The following ARHGEF2 variants were observed in gnomAD, a reference collection of about 807,000 sequenced individuals.
ARHGEF2 encodes rho guanine nucleotide exchange factor 2.
Under a neutral mutation model 121.0 loss-of-function variants are expected in ARHGEF2, and 22 were observed. The observed-to-expected ratio is 0.18, with a 90% CI of 0.13 to 0.26. ARHGEF2 has a LOEUF of 0.26. Ranked by LOEUF, ARHGEF2 falls within the 10% of genes least tolerant of loss-of-function variation. The pLI is 1.00. For missense variants in ARHGEF2, 907 were observed against 1,336.0 expected (o/e 0.68, Z 5.01); for synonymous variants, 487 against 530.0 (o/e 0.92, Z 1.11).
At position 155,961,835 on chromosome 1, in the gene ARHGEF2, C is replaced by T; in HGVS notation, c.1294G>A (p.Gly432Ser). The T allele has an allele frequency of 6.2e-7, 1 of 1,614,182 alleles. No individual in the cohort carries two copies. The highest frequency in any genetic ancestry group is 8.5e-7 in the Non-Finnish European group (1 of 1,180,032). ...VKELLSNVDE[G>S]IYQLEKGARL... ...GCCCCTTTCTCCAGCTGATAAATAC[C>T]CTCGTCCACATTGGACAGCAGCTCC... Residue 432 changes from glycine (G) to serine (S), a missense_variant, in exon 11 of 22, where the codon GGT becomes AGT. Physicochemically the swap from Gly to Ser is moderately conservative, Grantham distance 56. Transcript: ENST00000361247. This position sits in a 1 kb window ranked among gnomAD's most constrained non-coding sequence, Gnocchi z 4.7.
chr1:155,978,845 T>TTCCCCTCTGCCCTCCCCTTCTTCCCTTC (rs1681830877), upstream of ARHGEF2: 1 of 987,238 alleles, frequency 1.0e-6, no homozygotes, highest in Non-Finnish European at 1.2e-6. The surrounding 1 kb of genome is among the most constrained non-coding windows in gnomAD (Gnocchi z 4.1). Flanking sequence ...GGTTGGCCCT[T>TTCCCCTCTGCCCTCCCCTTCTTCCCTTC]TCCCCTCTGC....
At chr1:155,955,115 T>C in intron 13 of ARHGEF2, 146 bp from the exon 14 acceptor site, 1 of 626,106 alleles carries the variant, frequency 1.6e-6, no homozygotes, top group Non-Finnish European at 2.7e-6. Flanking sequence ...AATTTAGTCC[T>C]GACCTTCTCC....
In ARHGEF2 at chr1:155,971,579, C is replaced by CAAAAA. The variant is rs55942349; in HGVS notation, c.64-2284_64-2280dup. Among the ~76,000 whole-genome samples the CAAAAA allele has an allele frequency of 1.4e-3, 128 of 92,572 alleles. 1 individual carries two copies. The highest frequency in any genetic ancestry group is 1.7e-3 in the African/African-American group (51 of 30,872). The allele number at this position is 92,572 out of a possible 152,430, so 60.7% of individuals were successfully genotyped here. A position where few individuals can be genotyped will look rare whatever the true frequency, so the allele number is the denominator to read the frequency against. On this transcript the variant is annotated intron_variant, in intron 1 of 21. Transcript: ENST00000361247. ...TGGGCCACAGAGTGAGACTATGTCTCAAAAAAAAAAAAAGAAGTTCAAATT... is the reference window on the plus strand; with the variant it reads ...TGGGCCACAGAGTGAGACTATGTCTCAAAAAAAAAAAAAAAAAAGAAGTTCAAATT...
intron 1 of ARHGEF2, chr1:155,969,619 T>G (rs1680091362): frequency 8.4e-7 from 1 of 1,189,460 alleles, no homozygotes; most frequent in Non-Finnish European, 1.1e-6. Flanking sequence ...TTCCCAGCCC[T>G]AGCTCTGCTC....
chr1:155,960,684 A>G (rs1677722159), intron 11 of ARHGEF2, among the ~76,000 whole-genome samples: 1 of 152,172 alleles, frequency 6.6e-6, no homozygotes. Context: ...GAGGCTGGTG[A>G]AGACTGACAA....
chr1:155,967,717 C>T (rs1679693059), intron 2 of ARHGEF2, among the ~76,000 whole-genome samples: 1 of 152,156 alleles, frequency 6.6e-6, no homozygotes, highest in Admixed American at 6.5e-5. Flanking sequence ...CCCCACCTTG[C>T]CATGGGGTAG....
intron 1 of ARHGEF2, chr1:155,977,931 G>A (rs1681598982): frequency 1.1e-5 from 3 of 278,794 alleles, no homozygotes; most frequent in Non-Finnish European, 1.7e-5. Flanking sequence ...GAACGACCAA[G>A]CCAGCGATTG....
chr1:155,978,575 C>T, upstream of ARHGEF2: 1 of 1,272,466 alleles, frequency 7.9e-7, no homozygotes, highest in African/African-American at 1.5e-5. This position sits in a 1 kb window ranked among gnomAD's most constrained non-coding sequence, Gnocchi z 4.1. Context: ...GCACCAGTTC[C>T]TCAAACCCGA....
At chr1:155,970,662 C>T (rs1680277849) in intron 1 of ARHGEF2, 63 of 985,480 alleles carry the variant, frequency 6.4e-5, no homozygotes, top group Non-Finnish European at 7.5e-5. Context: ...GCCGAGGCCA[C>T]GAGGCCACGC....
At chr1:155,955,750 C>T (rs1284859693) in intron 13 of ARHGEF2, among the ~76,000 whole-genome samples, 1 of 151,970 alleles carries the variant, frequency 6.6e-6, no homozygotes, top group Non-Finnish European at 1.5e-5. Flanking sequence ...GAGTCTTGCA[C>T]TTTCGCCCAG....
chr1:155,958,224 TG>T, intron 12 of ARHGEF2, 95 bp downstream of exon 12: 2 of 948,424 alleles, frequency 2.1e-6, no homozygotes, highest in Non-Finnish European at 1.7e-6. Context: ...TGTTTGACTC[TG>T]GGGGACTCCA....
intron 2 of ARHGEF2, chr1:155,968,388 T>C (rs1388047463): frequency 6.6e-6 from 1 of 152,086 alleles, no homozygotes; most frequent in African/African-American, 2.4e-5. Flanking sequence ...CAGGTCACAA[T>C]ACCTTCAATC....
Position 155,962,800 on chromosome 1 carries a change from C to G in ARHGEF2, c.976-82G>C. ...ACTGGACACACCTCTGGCCTCCTGCCAAACAGGCTGGCTTCCTGTTTCTCC... is the reference window on the plus strand; with the variant it reads ...ACTGGACACACCTCTGGCCTCCTGCGAAACAGGCTGGCTTCCTGTTTCTCC... On this transcript the variant is annotated intron_variant, in intron 8 of 21. Coordinates refer to ENST00000361247, the MANE Select transcript of ARHGEF2 (RefSeq NM_001162383.2). The surrounding 1 kb of genome is among the most constrained non-coding windows in gnomAD (Gnocchi z 5.8). 1.9e-6 allele frequency: 3 copies of G among 1,598,656 alleles called. No individual in the cohort carries two copies. The highest frequency in any genetic ancestry group is 2.6e-6 in the Non-Finnish European group (3 of 1,170,838).
chr1:155,954,736 T>C (rs1293374207), intron 14 of ARHGEF2, among the ~76,000 whole-genome samples, 166 bp downstream of exon 14: 2 of 151,896 alleles, frequency 1.3e-5, no homozygotes, highest in African/African-American at 4.8e-5. Flanking sequence ...CACATGGTAG[T>C]ATACACTTTA....
chr1:155,961,230 ACT>A lies in ARHGEF2; in HGVS notation c.1468+429_1468+430del, dbSNP rs967539625. Among the ~76,000 whole-genome samples the A allele has an allele frequency of 2.0e-5, 3 of 150,628 alleles. No individual in the cohort carries two copies. The highest frequency in any genetic ancestry group is 4.4e-5 in the Non-Finnish European group (3 of 67,736). On this transcript the variant is annotated intron_variant, in intron 11 of 21. Transcript: ENST00000361247. The surrounding 1 kb of genome is among the most constrained non-coding windows in gnomAD (Gnocchi z 4.7). ...CACAGAGATCCTATTTTTCTCTCCC[ACT>A]GAGTCTCACTGTTGTATGGGCTGCA...
intron 1 of ARHGEF2, chr1:155,971,017 G>T (rs143486351): frequency 1.4e-5 from 14 of 985,834 alleles, no homozygotes; most frequent in Non-Finnish European, 1.7e-5. Context: ...GGCTCCTCCC[G>T]CTCTGCCTTC....
At chr1:155,948,387 T>A (rs1367941981) in intron 21 of ARHGEF2, among the ~76,000 whole-genome samples, 1 of 152,348 alleles carries the variant, frequency 6.6e-6, no homozygotes, top group East Asian at 1.9e-4. Flanking sequence ...CCTAACACTT[T>A]GGGAGGCTAA....
chr1:155,966,244 G>A (rs1679345662), intron 4 of ARHGEF2, among the ~76,000 whole-genome samples, 172 bp downstream of exon 4: 1 of 151,968 alleles, frequency 6.6e-6, no homozygotes, highest in Non-Finnish European at 1.5e-5. Flanking sequence ...CTCCCCTTCT[G>A]CCTCTAAGTC....
At chr1:155,948,460 T>C (rs1028753922) in intron 21 of ARHGEF2, among the ~76,000 whole-genome samples, 2 of 151,936 alleles carry the variant, frequency 1.3e-5, no homozygotes, top group African/African-American at 4.8e-5. Flanking sequence ...TGAAACCCCA[T>C]CTCTACTAAA....
Sources: allele counts gnomAD v4.1 joint callset (sites outside exome capture counted in the v4.1 genomes callset), GRCh38; gene constraint gnomAD v4.1.1; non-coding constraint Gnocchi (gnomAD v3.1); transcripts MANE v1.5; gene names NCBI Gene and HGNC (gene_info 2026-07-23, HGNC 2026-07-21).